The following SH3GL2 variants were observed in gnomAD, a reference collection of about 807,000 sequenced individuals.
SH3GL2 encodes SH3 domain containing GRB2 like 2, endophilin A1.
A neutral mutation model predicts 46.0 loss-of-function variants in SH3GL2; 24 were observed. That is an observed-to-expected ratio of 0.52 (90% CI 0.38 to 0.73). The LOEUF is 0.73. Ranked by LOEUF, SH3GL2 falls within the 30% of genes least tolerant of loss-of-function variation. SH3GL2 has a pLI of 0.00. For missense variants in SH3GL2, 413 were observed against 424.2 expected, an observed-to-expected ratio of 0.97 and a Z score of 0.23; for synonymous variants, 196 against 147.1, an observed-to-expected ratio of 1.33 and a Z score of -2.40.
chr9:17,736,065 C>T lies in SH3GL2; in HGVS notation c.46-11001C>T, dbSNP rs545226311. On this transcript the variant is annotated intron_variant, in intron 1 of 8. Transcript: ENST00000380607. ...GCCCCAGTGCAGGCAGCAGACCTCA[C>T]GGCATAGGGTGGAAGCAAAGTGGAG... is the stretch of plus-strand genomic sequence containing the variant. Among the ~76,000 whole-genome samples the T allele has an allele frequency of 1.3e-4, 20 of 152,008 alleles. No individual in the cohort carries two copies. The East Asian group carries it at 2.9e-3, about 22-fold the overall frequency.
chr9:17,727,136 G>A (rs1353439599), intron 1 of SH3GL2, among the ~76,000 whole-genome samples: 2 of 152,180 alleles, frequency 1.3e-5, no homozygotes, highest in African/African-American at 4.8e-5. Context: ...CAGTTAAGAT[G>A]AATAGTCTGC....
chr9:17,765,761 G>T (rs186171009), intron 3 of SH3GL2, among the ~76,000 whole-genome samples: 2 of 152,118 alleles, frequency 1.3e-5, no homozygotes, highest in African/African-American at 2.4e-5. Context: ...CTGCTTTTCA[G>T]TGGGGCACAT....
chr9:17,754,388 T>G (rs2131141176), intron 2 of SH3GL2, among the ~76,000 whole-genome samples: 1 of 152,192 alleles, frequency 6.6e-6, no homozygotes, highest in South Asian at 2.1e-4. Flanking sequence ...TGTAAAGAAC[T>G]TTTGGCCGGG....
chr9:17,731,262 C>T (rs925211893), intron 1 of SH3GL2, among the ~76,000 whole-genome samples: 31 of 151,960 alleles, frequency 2.0e-4, no homozygotes, highest in Admixed American at 1.8e-3. Context: ...CCCAAATATA[C>T]GTTGAAGCCC....
chr9:17,723,016 T>C (rs941701154), intron 1 of SH3GL2, among the ~76,000 whole-genome samples: 2 of 152,152 alleles, frequency 1.3e-5, no homozygotes, highest in Non-Finnish European at 2.9e-5. Context: ...TGACTAGCAC[T>C]GTACAGTCAA....
At position 17,787,506 on chromosome 9, in the gene SH3GL2, A is replaced by G. The variant is rs1823995567; in HGVS notation, c.458A>G (p.Glu153Gly). Reference protein sequence around the residue: ...LQNLHDKDLREIQHHLKKLEG... With the variant: ...LQNLHDKDLRGIQHHLKKLEG... The stretch of plus-strand genomic sequence containing the variant: ...AATCTTCATGACAAAGATCTTAGGG[A>G]AATTCAAGTATGTACAATGAGTCTT... Residue 153 changes from glutamate (E) to glycine (G), a missense_variant, in exon 5 of 9, where the codon GAA becomes GGA. Glu to Gly is a moderately conservative substitution (Grantham distance 98, BLOSUM62 -2). Around this residue, in one of 3 missense-constraint regions of SH3GL2, gnomAD observed 160 missense variants for 192.3 expected, o/e 0.83. Coordinates refer to ENST00000380607, the MANE Select transcript of SH3GL2 (RefSeq NM_003026.5). 6.2e-7 allele frequency: 1 copy of G among 1,612,454 alleles called. No homozygotes were observed. The highest frequency in any genetic ancestry group is 8.5e-7 in the Non-Finnish European group (1 of 1,178,910).
intron 1 of SH3GL2, among the ~76,000 whole-genome samples, chr9:17,602,558 C>T (rs1409877691): frequency 6.6e-6 from 1 of 152,160 alleles, no homozygotes; most frequent in Non-Finnish European, 1.5e-5. Context: ...CCAGGTGACT[C>T]TTGACCCCTC....
rs538836800 is a variant in SH3GL2, at chr9:17,670,849, A to C, written c.46-76217A>C. Among the ~76,000 whole-genome samples, 113 of 152,302 alleles carry C rather than the reference A, an allele frequency of 7.4e-4. 1 individual carries two copies. In the South Asian group the frequency reaches 9.5e-3, roughly 13 times the overall value. ...AGTGATTCTCAAATGTTAGTGGGTA[A>C]CAGATTCACCTGGAAGGCTTATTAA... On this transcript the variant is annotated intron_variant, in intron 1 of 8. Coordinates refer to ENST00000380607, the MANE Select transcript of SH3GL2 (RefSeq NM_003026.5).
chr9:17,704,660 T>G lies in SH3GL2; in HGVS notation c.46-42406T>G, dbSNP rs1425507639. The stretch of plus-strand genomic sequence containing the variant: ...AACAACCATCTGATTTTTGATAAAG[T>G]TGACAAAAAGAAGCAATGGGGGAAA... On this transcript the variant is annotated intron_variant, in intron 1 of 8. Coordinates refer to ENST00000380607, the MANE Select transcript of SH3GL2 (RefSeq NM_003026.5). 3.3e-5 allele frequency among the ~76,000 whole-genome samples: 5 copies of G among 151,950 alleles called. 1 individual carries two copies. The East Asian group carries it at 5.8e-4, about 18-fold the overall frequency.
chr9:17,776,367 C>T (rs1823641066), intron 3 of SH3GL2, among the ~76,000 whole-genome samples: 1 of 152,122 alleles, frequency 6.6e-6, no homozygotes, highest in Non-Finnish European at 1.5e-5. Context: ...TGGGACTAAA[C>T]CCCCTTAGAA....
chr9:17,685,130 T>C (rs981972350), intron 1 of SH3GL2, among the ~76,000 whole-genome samples: 1 of 152,024 alleles, frequency 6.6e-6, no homozygotes, highest in South Asian at 2.1e-4. Context: ...GACAGGTGTG[T>C]GTGTGTTTAT....
intron 1 of SH3GL2, among the ~76,000 whole-genome samples, chr9:17,722,077 A>G (rs183379126): frequency 5.7e-4 from 86 of 152,190 alleles, no homozygotes; most frequent in Non-Finnish European, 4.1e-4. Flanking sequence ...TACAATTTGT[A>G]AACTCTACTT....
intron 1 of SH3GL2, among the ~76,000 whole-genome samples, chr9:17,599,258 A>G (rs1588164387): frequency 6.6e-6 from 1 of 152,222 alleles, no homozygotes; most frequent in Non-Finnish European, 1.5e-5. Context: ...ACTGTGCACT[A>G]TGGATGAAGG....
At chr9:17,767,855 CTT>C (rs1823360204) in intron 3 of SH3GL2, among the ~76,000 whole-genome samples, 1 of 152,052 alleles carries the variant, frequency 6.6e-6, no homozygotes, top group Admixed American at 6.6e-5. Flanking sequence ...AGAAAGAAAA[CTT>C]AAGTCAGGTG....
chr9:17,758,158 C>G (rs1174335452), intron 2 of SH3GL2, among the ~76,000 whole-genome samples: 3 of 152,146 alleles, frequency 2.0e-5, no homozygotes, highest in African/African-American at 7.2e-5. Context: ...AGCTCCTTTC[C>G]CTTCTCTAGG....
intron 2 of SH3GL2, among the ~76,000 whole-genome samples, chr9:17,761,046 C>A (rs1185251431): frequency 6.6e-6 from 1 of 152,210 alleles, no homozygotes; most frequent in African/African-American, 2.4e-5. Context: ...CTTGAATAAG[C>A]AGAGTTGATG....
chr9:17,707,112 G>A (rs16923322), intron 1 of SH3GL2, among the ~76,000 whole-genome samples: 9,731 of 152,040 alleles, frequency 0.064, 1,010 homozygotes, highest in African/African-American at 0.22. Flanking sequence ...GGGAACTTGT[G>A]CTTTTAATCA....
intron 1 of SH3GL2, among the ~76,000 whole-genome samples, chr9:17,612,260 G>A (rs751113957): frequency 2.6e-5 from 4 of 152,186 alleles, no homozygotes; most frequent in African/African-American, 4.8e-5. Context: ...GTGCCTGAGT[G>A]TGGCTTGTGG....
At chr9:17,642,971 C>T (rs1194425191) in intron 1 of SH3GL2, among the ~76,000 whole-genome samples, 1 of 152,154 alleles carries the variant, frequency 6.6e-6, no homozygotes, top group African/African-American at 2.4e-5. Context: ...CTATAAATTA[C>T]TTTGGGCAGT....
Sources: gnomAD v4.1 joint callset for allele counts (sites outside exome capture counted in the v4.1 genomes callset) on GRCh38, gnomAD v4.1.1 for gene constraint, gnomAD v4.1.1 regional missense constraint, MANE v1.5 for transcripts, NCBI Gene and HGNC (gene_info 2026-07-23, HGNC 2026-07-21) for gene names.